Variants in RDX observed in about 807,000 individuals in gnomAD.
The protein encoded by RDX is deafness, autosomal recessive 24.
In RDX, 32 loss-of-function variants were observed where a neutral mutation model predicts 83.7. That is an observed-to-expected ratio of 0.38 (90% CI 0.29 to 0.51). RDX has a LOEUF of 0.51. Ranked by LOEUF, RDX falls within the 20% of genes least tolerant of loss-of-function variation. RDX has a pLI of 0.87. For missense variants in RDX, 600 were observed against 689.9 expected (o/e 0.87, Z 1.46); for synonymous variants, 229 against 222.7 (o/e 1.03, Z -0.25).
At position 110,233,416 on chromosome 11, in the gene RDX, G is replaced by T; in HGVS notation, c.1408C>A (p.Pro470Thr). The T allele has an allele frequency of 1.2e-6, 2 of 1,614,010 alleles. No homozygotes were observed. The highest frequency in any genetic ancestry group is 2.2e-5 in the South Asian group (2 of 91,072). ...KEELKTVMSA[P>T]PPPPPPPVIP... ...ACTGGTGGTGGTGGAGGTGGAGGGG[G>T]GGCAGACATCACAGTTTTTAACTCT... is the stretch of plus-strand genomic sequence containing the variant. The change falls in exon 13 of 14, where the codon CCC becomes ACC. Residue 470 changes from proline (P) to threonine (T), a missense_variant. Physicochemically the swap from Pro to Thr is conservative, Grantham distance 38. Transcript: ENST00000645495.
chr11:110,264,678 C>A (rs1859949058), intron 4 of RDX, 101 bp downstream of exon 4: 3 of 792,052 alleles, frequency 3.8e-6, no homozygotes, highest in Non-Finnish European at 6.1e-6. Flanking sequence ...CAGATAACTA[C>A]AAAAGGAAGC....
intron 14 of RDX, among the ~76,000 whole-genome samples, chr11:110,201,032 C>T (rs1863380284): frequency 1.3e-5 from 2 of 151,904 alleles, no homozygotes; most frequent in East Asian, 1.9e-4. Flanking sequence ...GAAAATTAAC[C>T]GCGCATGGTG....
intron 10 of RDX, among the ~76,000 whole-genome samples, chr11:110,240,607 T>TGGTAGCGGGCGC (rs1865049803): frequency 2.0e-5 from 3 of 150,738 alleles, no homozygotes; most frequent in Admixed American, 2.0e-4. Context: ...TAGCCGGGCG[T>TGGTAGCGGGCGC]GGTAGCGGGC....
At chr11:110,293,949 TG>T (rs1392758350) in intron 1 of RDX, among the ~76,000 whole-genome samples, 1 of 152,092 alleles carries the variant, frequency 6.6e-6, no homozygotes, top group Non-Finnish European at 1.5e-5. Flanking sequence ...TAAAAATGGA[TG>T]AAAAAACAAG....
chr11:110,202,132 C>T (rs987203364), intron 14 of RDX, among the ~76,000 whole-genome samples: 20 of 152,014 alleles, frequency 1.3e-4, no homozygotes, highest in African/African-American at 3.9e-4. Context: ...TGGCTCACAC[C>T]TGTAATCCCA....
At chr11:110,242,338 G>A (rs1040904781) in intron 10 of RDX, among the ~76,000 whole-genome samples, 2 of 151,426 alleles carry the variant, frequency 1.3e-5, no homozygotes, top group African/African-American at 4.9e-5. Flanking sequence ...CTGTAATTAG[G>A]CAGGAGAATC....
intron 1 of RDX, among the ~76,000 whole-genome samples, chr11:110,288,135 G>T (rs1277077225): frequency 2.0e-5 from 3 of 152,270 alleles, no homozygotes; most frequent in East Asian, 1.9e-4. Context: ...ATGTAGAAAT[G>T]ATTTCTGGTT....
chr11:110,185,936 G>C (rs1057178845), intron 15 of RDX, among the ~76,000 whole-genome samples: 4 of 152,246 alleles, frequency 2.6e-5, no homozygotes, highest in Non-Finnish European at 4.4e-5. Context: ...AAGCAAATGA[G>C]TGGACCACCA....
chr11:110,236,254 C>T, intron 11 of RDX, 63 bp from the exon 12 acceptor site: 2 of 1,315,998 alleles, frequency 1.5e-6, no homozygotes, highest in Non-Finnish European at 2.2e-6. Context: ...TATAAGTCAA[C>T]AAAGTTTTAA....
chr11:110,207,696 A>T (rs183068423), intron 14 of RDX, among the ~76,000 whole-genome samples: 3 of 152,324 alleles, frequency 2.0e-5, no homozygotes, highest in Non-Finnish European at 4.4e-5. Flanking sequence ...AAGTGTCCAT[A>T]AATAAAATTT....
chr11:110,256,449 T>A (rs7121215), intron 7 of RDX, among the ~76,000 whole-genome samples: 1 of 152,186 alleles, frequency 6.6e-6, no homozygotes, highest in African/African-American at 2.4e-5. Flanking sequence ...ATATGCTACT[T>A]TGAAAAATTC....
intron 2 of RDX, among the ~76,000 whole-genome samples, chr11:110,274,547 A>C (rs752610875): frequency 6.6e-6 from 1 of 152,138 alleles, no homozygotes; most frequent in Non-Finnish European, 1.5e-5. Flanking sequence ...GTTGGAGCAC[A>C]GTGGCAGAAT....
intron 1 of RDX, among the ~76,000 whole-genome samples, chr11:110,291,273 G>A (rs948290561): frequency 6.6e-6 from 1 of 152,156 alleles, no homozygotes; most frequent in Non-Finnish European, 1.5e-5. Context: ...CCTGGAGTTC[G>A]TGGCATGGAG....
At chr11:110,211,559 T>G (rs1406845199) in intron 14 of RDX, among the ~76,000 whole-genome samples, 1 of 150,946 alleles carries the variant, frequency 6.6e-6, no homozygotes, top group Non-Finnish European at 1.5e-5. Context: ...CCACACCTAT[T>G]CCAAAATTGA....
intron 14 of RDX, among the ~76,000 whole-genome samples, chr11:110,219,107 C>A (rs1283316458): frequency 6.6e-6 from 1 of 152,078 alleles, no homozygotes; most frequent in Non-Finnish European, 1.5e-5. Context: ...GAGGAAGGTA[C>A]AATTTTAAAT....
At chr11:110,194,104 T>C (rs1349280301) in intron 15 of RDX, among the ~76,000 whole-genome samples, 2 of 152,196 alleles carry the variant, frequency 1.3e-5, no homozygotes, top group Non-Finnish European at 1.5e-5. Flanking sequence ...TATTAAAAGG[T>C]GAGAGTAAGA....
At chr11:110,237,242 C>T (rs1331333022) in intron 11 of RDX, among the ~76,000 whole-genome samples, 1 of 151,794 alleles carries the variant, frequency 6.6e-6, no homozygotes, top group African/African-American at 2.4e-5. Flanking sequence ...GAATCAGAAC[C>T]TTTTGCTGAC....
At chr11:110,215,377 T>A (rs1393351213) in intron 14 of RDX, among the ~76,000 whole-genome samples, 56 of 53,046 alleles carry the variant, frequency 1.1e-3, no homozygotes, top group Non-Finnish European at 1.3e-3. Context: ...AATAAATAAA[T>A]AAATAAATAA....
intron 14 of RDX, among the ~76,000 whole-genome samples, chr11:110,211,251 T>C (rs1405074381): frequency 1.3e-5 from 2 of 152,154 alleles, no homozygotes; most frequent in African/African-American, 4.8e-5. Context: ...CATTACATAA[T>C]AGTAAAGGGA....
Sources: gnomAD v4.1 joint callset for allele counts (sites outside exome capture counted in the v4.1 genomes callset) on GRCh38, gnomAD v4.1.1 for gene constraint, MANE v1.5 for transcripts, NCBI Gene and HGNC (gene_info 2026-07-23, HGNC 2026-07-21) for gene names.